The following ANK3 variants were observed in gnomAD, a reference collection of about 807,000 sequenced individuals.
ANK3 encodes the protein ankyrin-3.
In ANK3, 57 loss-of-function variants were observed where a neutral mutation model predicts 370.9. The observed-to-expected ratio is 0.15, with a 90% CI of 0.12 to 0.19. The LOEUF is 0.19. ANK3 is among the 10% of genes least tolerant of loss of function. ANK3 has a pLI of 1.00. For synonymous variants in ANK3, 1,929 were observed against 1,946.3 expected (o/e 0.99, Z 0.23); for missense variants, 4,439 against 5,302.1 (o/e 0.84, Z 5.06).
chr10:60,200,910 C>T (rs1052429004), intron 12 of ANK3, among the ~76,000 whole-genome samples: 6 of 152,120 alleles, frequency 3.9e-5, no homozygotes, highest in African/African-American at 1.4e-4. Context: ...TGCCCTGGAC[C>T]ACCCTCCCCC....
chr10:60,226,496 C>A (rs12571569), intron 8 of ANK3, among the ~76,000 whole-genome samples: 14 of 80,666 alleles, frequency 1.7e-4, no homozygotes, highest in African/African-American at 1.1e-3. Context: ...TATACATATA[C>A]TATAGTATAT....
intron 41 of ANK3, among the ~76,000 whole-genome samples, chr10:60,057,646 G>GC (rs2079480797): frequency 6.6e-6 from 1 of 152,176 alleles, no homozygotes; most frequent in Non-Finnish European, 1.5e-5. Context: ...GATAACAGGA[G>GC]CAAAGTGACT....
intron 2 of ANK3, among the ~76,000 whole-genome samples, chr10:60,543,942 G>A (rs1279250362): frequency 1.3e-5 from 2 of 150,474 alleles, no homozygotes; most frequent in African/African-American, 2.4e-5. Context: ...TAAGCTACTT[G>A]TGTTATTGTT....
chr10:60,505,526 C>T (rs1464818132), intron 2 of ANK3, among the ~76,000 whole-genome samples: 1 of 151,918 alleles, frequency 6.6e-6, no homozygotes, highest in Non-Finnish European at 1.5e-5. Flanking sequence ...TACAAGAGAC[C>T]ATATTTTTCA....
intron 2 of ANK3, among the ~76,000 whole-genome samples, chr10:60,512,160 GT>G (rs1249459910): frequency 6.6e-6 from 1 of 151,870 alleles, no homozygotes; most frequent in Non-Finnish European, 1.5e-5. Flanking sequence ...TATAGGAAAA[GT>G]TCATTTTCAT....
chr10:60,573,339 C>T (rs2077640512), intron 2 of ANK3, among the ~76,000 whole-genome samples: 1 of 152,008 alleles, frequency 6.6e-6, no homozygotes, highest in African/African-American at 2.4e-5. Context: ...CATATTTAAT[C>T]ATTGGTTTCC....
chr10:60,114,195 A>G (rs1256149171), intron 26 of ANK3, 30 bp downstream of exon 26: 1 of 1,287,802 alleles, frequency 7.8e-7, no homozygotes, highest in Non-Finnish European at 1.1e-6. Context: ...ATGTAGTAGG[A>G]TAATGAAAAG....
chr10:60,161,763 G>A (rs2095507005), intron 23 of ANK3, among the ~76,000 whole-genome samples: 2 of 152,114 alleles, frequency 1.3e-5, no homozygotes, highest in African/African-American at 4.8e-5. Flanking sequence ...AGAGGGGATG[G>A]TTAATTGGCA....
chr10:60,364,582 T>C (rs1566861545), intron 1 of ANK3, among the ~76,000 whole-genome samples: 1 of 151,940 alleles, frequency 6.6e-6, no homozygotes, highest in African/African-American at 2.4e-5. Context: ...TTAGGAGAAA[T>C]ACCTAATGTA....
At chr10:60,221,564 T>C (rs946915209) in intron 8 of ANK3, among the ~76,000 whole-genome samples, 5 of 152,312 alleles carry the variant, frequency 3.3e-5, no homozygotes, top group African/African-American at 1.2e-4. Context: ...TTGTATTATT[T>C]TGAAGCAAAT....
chr10:60,280,648 CT>C (rs1220132387), intron 1 of ANK3, among the ~76,000 whole-genome samples: 6 of 152,196 alleles, frequency 3.9e-5, no homozygotes, highest in Non-Finnish European at 7.3e-5. Flanking sequence ...GTAAAGAAGT[CT>C]TGCTTAATAC....
intron 2 of ANK3, among the ~76,000 whole-genome samples, chr10:60,438,216 T>G (rs914476226): frequency 1.3e-5 from 2 of 151,926 alleles, no homozygotes; most frequent in African/African-American, 4.8e-5. Context: ...AAGTTTTATA[T>G]ATATATAAAT....
chr10:60,103,303 A>G (rs1407651300), intron 28 of ANK3, among the ~76,000 whole-genome samples: 1 of 152,174 alleles, frequency 6.6e-6, no homozygotes, highest in African/African-American at 2.4e-5. Flanking sequence ...GGTTTAATTC[A>G]GGAACTATTT....
intron 42 of ANK3, among the ~76,000 whole-genome samples, chr10:60,052,159 G>C (rs140405974): frequency 0.088 from 13,350 of 152,088 alleles, 788 homozygotes; most frequent in South Asian, 0.17. Flanking sequence ...TCAGGAGTTC[G>C]AGACCAGCCT....
At chr10:60,266,822 T>C (rs2097887446) in intron 5 of ANK3, among the ~76,000 whole-genome samples, 1 of 152,202 alleles carries the variant, frequency 6.6e-6, no homozygotes, top group Non-Finnish European at 1.5e-5. Flanking sequence ...GGAAATGTGA[T>C]AGAGGCTACT....
chr10:60,435,416 C>A (rs1223631905), intron 2 of ANK3, among the ~76,000 whole-genome samples: 1 of 152,148 alleles, frequency 6.6e-6, no homozygotes, highest in Non-Finnish European at 1.5e-5. Context: ...TTTCTTAGAA[C>A]AATCTTTCCT....
At chr10:60,110,705 C>T (rs1446639504) in intron 26 of ANK3, among the ~76,000 whole-genome samples, 2 of 152,110 alleles carry the variant, frequency 1.3e-5, no homozygotes, top group African/African-American at 4.8e-5. Flanking sequence ...ATAATGAAGG[C>T]AATATGGCAA....
At chr10:60,250,655 G>A (rs35162716) in intron 7 of ANK3, among the ~76,000 whole-genome samples, 35,217 of 152,030 alleles carry the variant, frequency 0.23, 4,641 homozygotes, top group Middle Eastern at 0.41. Context: ...ATGAGCCACC[G>A]CACCCGGCCT....
chr10:60,440,707 G>C (rs149624535), intron 2 of ANK3, among the ~76,000 whole-genome samples: 1 of 152,102 alleles, frequency 6.6e-6, no homozygotes, highest in South Asian at 2.1e-4. Flanking sequence ...TTTAGGAGTG[G>C]GGAACAGGAA....
Sources: gnomAD v4.1 joint callset for allele counts (sites outside exome capture counted in the v4.1 genomes callset) on GRCh38, gnomAD v4.1.1 for gene constraint, MANE v1.5 for transcripts, NCBI Gene and HGNC (gene_info 2026-07-23, HGNC 2026-07-21) for gene names.